LHX9: variants seen among roughly 807,000 people sequenced by gnomAD.
LHX9 encodes LIM homeobox 9.
A neutral mutation model predicts 36.5 loss-of-function variants in LHX9; 9 were observed. The observed-to-expected ratio is 0.25, with a 90% CI of 0.15 to 0.43. LHX9 has a LOEUF of 0.43. Ranked by LOEUF, LHX9 falls within the 20% of genes least tolerant of loss-of-function variation. The pLI, the probability that LHX9 is intolerant of heterozygous loss-of-function variation, is 1.00. For synonymous variants in LHX9, 211 were observed against 212.1 expected (o/e 0.99, Z 0.04); for missense variants, 464 against 526.4 (o/e 0.88, Z 1.16).
chr1:197,920,164 G>T lies in LHX9; in HGVS notation c.367G>T (p.Asp123Tyr), dbSNP rs1375900027. The T allele has an allele frequency of 6.2e-7, 1 of 1,614,170 alleles. No homozygotes were observed. The highest frequency in any genetic ancestry group is 1.3e-5 in the African/African-American group (1 of 75,046). The change falls in exon 2 of 5, where the codon GAT (aspartate) becomes TAT (tyrosine). Residue 123 changes from aspartate to tyrosine, a missense_variant. Physicochemically the swap from Asp to Tyr is radical, Grantham distance 160 (BLOSUM62 -3). This residue lies in a region of LHX9 where 93 missense variants were observed against 150.3 expected (regional missense o/e 0.62). Coordinates refer to ENST00000367387, the MANE Select transcript of LHX9 (RefSeq NM_020204.3). ...AKDGSIYCKE[D>Y]YYRRFSVQRC... The stretch of plus-strand genomic sequence containing the variant: ...GGACGGTAGCATTTACTGCAAGGAG[G>T]ATTACTACAGGTACTCCCCTACACC...
upstream of LHX9, among the ~76,000 whole-genome samples, chr1:197,914,759 G>A (rs1185394539): frequency 4.6e-5 from 7 of 152,042 alleles, no homozygotes; most frequent in African/African-American, 7.3e-5. Flanking sequence ...GACTTCCTGC[G>A]TTCACTGAGA....
chr1:197,927,284 T>C (rs1175559166), intron 3 of LHX9, among the ~76,000 whole-genome samples: 3 of 152,240 alleles, frequency 2.0e-5, no homozygotes, highest in Non-Finnish European at 4.4e-5. Flanking sequence ...TAGGTCTCTC[T>C]CACTCCCACC....
intron 3 of LHX9, among the ~76,000 whole-genome samples, chr1:197,923,603 G>A (rs16842127): frequency 0.014 from 2,073 of 152,144 alleles, 59 homozygotes; most frequent in African/African-American, 0.048. Flanking sequence ...CCAGAAGGGT[G>A]AAGATTTCTA....
rs1187842102 is a variant in LHX9, at chr1:197,920,303, G to T, written c.377+129G>T. 5 of 658,122 alleles carry T rather than the reference G, an allele frequency of 7.6e-6. No individual in the cohort carries two copies. The East Asian group carries it at 2.0e-4, about 26-fold the overall frequency. 40.8% of individuals were successfully genotyped at this position (658,122 alleles called of 1,614,324 possible). ...GGTGCTGTTATCATTTCGGAGACCA[G>T]GCAAACCCACTGCATATGCCTTCAA... On this transcript the variant is annotated intron_variant, in intron 2 of 4. Transcript: ENST00000367387.
Position 197,932,065 on chromosome 1 carries a change from AT to A in LHX9, c.*2809del. The A allele has an allele frequency of 1.1e-6, 1 of 889,084 alleles. No individual in the cohort carries two copies. The highest frequency in any genetic ancestry group is 1.8e-5 in the African/African-American group (1 of 55,148). The allele number at this position is 889,084 out of a possible 1,614,324, so 55.1% of individuals were successfully genotyped here. On this transcript the variant is annotated 3_prime_UTR_variant, in exon 5 of 5. Transcript: ENST00000367387. ...GGTTATGATAATCATACATTAAAAA[AT>A]TTATTAAGCCAAAAAAAAAGAGAGA...
Position 197,931,944 on chromosome 1 carries a change from G to C in LHX9, c.*2685G>C. On this transcript the variant is annotated 3_prime_UTR_variant, in exon 5 of 5. Transcript: ENST00000367387. The stretch of plus-strand genomic sequence containing the variant: ...GGAGAACAAATCTTGGGGCATTACA[G>C]CCAAACATCCCGACGTTTGAAAATT... The C allele has an allele frequency of 5.2e-6, 8 of 1,548,226 alleles. No homozygotes were observed. Among genetic ancestry groups the C allele is most frequent in the Non-Finnish European group, 7.0e-6 (8 of 1,145,300 alleles).
In LHX9 at chr1:197,929,347, T is replaced by A; in HGVS notation, c.*88T>A. ...TATTATTTTATTATTTACAAGACTT[T>A]TTTTTTCTTCTAACCCACAAGATAT... On this transcript the variant is annotated 3_prime_UTR_variant, in exon 5 of 5. Transcript: ENST00000367387. The A allele has an allele frequency of 8.4e-7, 1 of 1,197,356 alleles. No homozygotes were observed. The highest frequency in any genetic ancestry group is 1.0e-6 in the Non-Finnish European group (1 of 963,854). 74.2% of individuals were successfully genotyped at this position (1,197,356 alleles called of 1,614,324 possible). A position where few individuals can be genotyped will look rare whatever the true frequency, so the allele number is the denominator to read the frequency against.
In LHX9 at chr1:197,931,422, C is replaced by T. The variant is rs1276477185; in HGVS notation, c.*2163C>T. On this transcript the variant is annotated 3_prime_UTR_variant, in exon 5 of 5. Transcript: ENST00000367387. Reference sequence around the variant, plus strand: ...TTCCCCTAAATATTTATGGACCAAACAATTGTGATATATCCTATTAAATTT... The same window carrying T: ...TTCCCCTAAATATTTATGGACCAAATAATTGTGATATATCCTATTAAATTT... 6.6e-6 allele frequency: 1 copy of T among 152,112 alleles called. No individual in the cohort carries two copies. The highest frequency in any genetic ancestry group is 1.5e-5 in the Non-Finnish European group (1 of 67,974). The allele number at this position is 152,112 out of a possible 1,614,324, so 9.4% of individuals were successfully genotyped here.
chr1:197,929,701 G>A lies in LHX9; in HGVS notation c.*442G>A, dbSNP rs1197573984. 5 of 937,168 alleles carry A rather than the reference G, an allele frequency of 5.3e-6. No homozygotes were observed. The highest frequency in any genetic ancestry group is 9.9e-5 in the South Asian group (2 of 20,270). 58.1% of individuals were successfully genotyped at this position (937,168 alleles called of 1,614,324 possible). ...TAGTTACTTTTTAAATCTTGCAATT[G>A]TATGTGTGATTATGGAGTTTTGAAA... On this transcript the variant is annotated 3_prime_UTR_variant, in exon 5 of 5. Transcript: ENST00000367387.
upstream of LHX9, among the ~76,000 whole-genome samples, chr1:197,914,469 A>G (rs1659694728): frequency 6.6e-6 from 1 of 152,056 alleles, no homozygotes; most frequent in African/African-American, 2.4e-5. Context: ...AAGCAGAGGT[A>G]CAAAGATGCT....
upstream of LHX9, chr1:197,917,158 C>T (rs767958202): frequency 1.0e-4 from 85 of 818,908 alleles, no homozygotes; most frequent in Non-Finnish European, 1.2e-4. Flanking sequence ...GAGGTAAATG[C>T]CCCCTCCTCC....
chr1:197,913,240 GT>G (rs10566483), upstream of LHX9: 458 of 152,388 alleles, frequency 3.0e-3, 2 homozygotes, highest in African/African-American at 0.01. Context: ...CTGGCGAGAG[GT>G]TTTTTTTTTG....
At chr1:197,928,893 C>CAA (rs10664707) in intron 4 of LHX9, 109 bp from the exon 5 acceptor site, 384,468 of 1,011,462 alleles carry the variant, frequency 0.38, 21,345 homozygotes, top group Non-Finnish European at 0.4. Flanking sequence ...AAACCTATAT[C>CAA]AAAAAAAAAA....
intron 1 of LHX9, among the ~76,000 whole-genome samples, 190 bp from the exon 2 acceptor site, chr1:197,919,782 C>G (rs538222933): frequency 6.6e-6 from 1 of 152,342 alleles, no homozygotes; most frequent in Admixed American, 6.5e-5. Flanking sequence ...CAGGCAGACA[C>G]GGAAGAAAGC....
intron 2 of LHX9, 52 bp downstream of exon 2, chr1:197,920,226 T>A (rs1557972809): frequency 6.4e-7 from 1 of 1,559,722 alleles, no homozygotes; most frequent in Non-Finnish European, 8.8e-7. Flanking sequence ...GGAGGGGCCA[T>A]CTGCCTGAGC....
In LHX9 at chr1:197,921,457, G is replaced by C. The variant is rs749926566; in HGVS notation, c.531G>C (p.Lys177Asn). The change falls in exon 3 of 5, where the codon AAG (lysine) becomes AAC (asparagine). Residue 177 changes from lysine (K) to asparagine (N), a missense_variant. Physicochemically the swap from Lys to Asn is moderately conservative, Grantham distance 94. Around this residue, in one of 5 missense-constraint regions of LHX9, gnomAD observed 93 missense variants for 150.3 expected, o/e 0.62. Transcript: ENST00000367387. The surrounding 1 kb of genome is among the most constrained non-coding windows in gnomAD (Gnocchi z 4.6). Reference protein sequence around the residue: ...TLTTGDHFGMKDSLVYCRAHF... With the variant: ...TLTTGDHFGMNDSLVYCRAHF... The stretch of plus-strand genomic sequence containing the variant: ...CCACGGGCGACCATTTCGGCATGAA[G>C]GACAGCCTGGTGTACTGCCGCGCCC... 2 of 1,614,230 alleles carry C rather than the reference G, an allele frequency of 1.2e-6. No individual in the cohort carries two copies. Among genetic ancestry groups the C allele is most frequent in the Non-Finnish European group, 1.7e-6 (2 of 1,180,058 alleles).
rs1659840525 is a variant in LHX9 at position 197,918,259 on chromosome 1, T to A, written c.174+262T>A. ...GGAGAGGAACTGGGAGGAGGTGGGA[T>A]GGGGGGTGGTGGCATTCTCTTCTAC... On this transcript the variant is annotated intron_variant, in intron 1 of 4. Coordinates refer to ENST00000367387, the MANE Select transcript of LHX9 (RefSeq NM_020204.3). The A allele has an allele frequency of 1.3e-5, 9 of 715,306 alleles. No individual in the cohort carries two copies. In the Admixed American group the frequency reaches 1.6e-4, roughly 13 times the overall value. 44.3% of individuals were successfully genotyped at this position (715,306 alleles called of 1,614,324 possible).
chr1:197,917,478 A>G lies in LHX9; in HGVS notation c.-346A>G. ...GTGTTCAAAACTATTTTCTTTCTTC[A>G]CCAGATTTTGTTTTCCTCCCCCCGC... On this transcript the variant is annotated 5_prime_UTR_variant, in exon 1 of 5. Coordinates refer to ENST00000367387, the MANE Select transcript of LHX9 (RefSeq NM_020204.3). 7.4e-7 allele frequency: 1 copy of G among 1,355,174 alleles called. No homozygotes were observed. Among genetic ancestry groups the G allele is most frequent in the Non-Finnish European group, 9.8e-7 (1 of 1,022,872 alleles). The allele number at this position is 1,355,174 out of a possible 1,614,324, so 83.9% of individuals were successfully genotyped here.
upstream of LHX9, chr1:197,912,968 G>A: frequency 4.7e-6 from 1 of 213,038 alleles, no homozygotes; most frequent in East Asian, 1.4e-4. Context: ...CACGTGTAGG[G>A]GTTAACTGGA....
Sources: allele counts gnomAD v4.1 joint callset (sites outside exome capture counted in the v4.1 genomes callset), GRCh38; gene constraint gnomAD v4.1.1; regional missense constraint gnomAD v4.1.1; non-coding constraint Gnocchi (gnomAD v3.1); transcripts MANE v1.5; gene names NCBI Gene and HGNC (gene_info 2026-07-23, HGNC 2026-07-21).